The following TTC29 variants were observed in gnomAD, a reference collection of about 807,000 sequenced individuals.
TTC29 encodes tetratricopeptide repeat protein 29.
A neutral mutation model predicts 58.1 loss-of-function variants in TTC29; 49 were observed. The ratio of observed to expected loss-of-function variants is 0.84; its 90% CI spans 0.67 to 1.07. TTC29 has a LOEUF of 1.07. TTC29 is among the 50% of genes least tolerant of loss of function. The pLI, the probability that TTC29 is intolerant of heterozygous loss-of-function variation, is 0.00. For missense variants in TTC29, 582 were observed against 555.6 expected (o/e 1.05, Z -0.48); for synonymous variants, 209 against 196.8 (o/e 1.06, Z -0.52).
intron 11 of TTC29, among the ~76,000 whole-genome samples, chr4:146,773,934 T>C (rs1249089291): frequency 6.6e-6 from 1 of 152,036 alleles, no homozygotes; most frequent in Non-Finnish European, 1.5e-5. Flanking sequence ...TCTGATTTGT[T>C]TGTTCATTGA....
chr4:146,813,634 G>C (rs763930480), intron 10 of TTC29, among the ~76,000 whole-genome samples: 3 of 151,996 alleles, frequency 2.0e-5, no homozygotes, highest in Non-Finnish European at 2.9e-5. Context: ...GAAAATATTG[G>C]GTTTGCTTTT....
At chr4:146,905,860 C>A (rs190347327) in intron 5 of TTC29, among the ~76,000 whole-genome samples, 2 of 152,244 alleles carry the variant, frequency 1.3e-5, no homozygotes, top group African/African-American at 2.4e-5. Context: ...GTTAGTTCAC[C>A]GGGTATTTCT....
intron 11 of TTC29, among the ~76,000 whole-genome samples, chr4:146,789,935 G>A (rs181667598): frequency 1.3e-3 from 205 of 152,144 alleles, no homozygotes; most frequent in African/African-American, 4.7e-3. Context: ...TAATCACCAC[G>A]GCTTACAAGG....
intron 4 of TTC29, among the ~76,000 whole-genome samples, chr4:146,935,710 G>T (rs1735755603): frequency 6.6e-6 from 1 of 152,144 alleles, no homozygotes; most frequent in Non-Finnish European, 1.5e-5. Flanking sequence ...CCAGGATGGG[G>T]CCAAGTATTT....
At chr4:146,905,552 A>G (rs1289024327) in intron 5 of TTC29, among the ~76,000 whole-genome samples, 1 of 152,004 alleles carries the variant, frequency 6.6e-6, no homozygotes, top group Non-Finnish European at 1.5e-5. Context: ...AAAAGAATAT[A>G]TTCAAGTTTC....
At chr4:146,893,340 C>T (rs1429564098) in intron 6 of TTC29, among the ~76,000 whole-genome samples, 1 of 152,130 alleles carries the variant, frequency 6.6e-6, no homozygotes, top group Non-Finnish European at 1.5e-5. Flanking sequence ...GACATATAGA[C>T]CAATGGAACA....
intron 11 of TTC29, among the ~76,000 whole-genome samples, chr4:146,800,431 T>C (rs2663306): frequency 6.6e-6 from 1 of 151,944 alleles, no homozygotes; most frequent in Non-Finnish European, 1.5e-5. Flanking sequence ...TTTGATCTGT[T>C]TTTTTTCTGA....
At chr4:146,826,263 A>G (rs1361131252) in intron 9 of TTC29, among the ~76,000 whole-genome samples, 1 of 151,740 alleles carries the variant, frequency 6.6e-6, no homozygotes, top group African/African-American at 2.4e-5. Context: ...TTTCCTTTCC[A>G]TATTTAGTGC....
At chr4:146,806,367 A>G (rs1173519756) in intron 10 of TTC29, among the ~76,000 whole-genome samples, 2 of 152,238 alleles carry the variant, frequency 1.3e-5, no homozygotes, top group African/African-American at 2.4e-5. Flanking sequence ...GACAGGATCA[A>G]ATTCACACAT....
chr4:146,906,255 C>T (rs1349294563), intron 5 of TTC29, among the ~76,000 whole-genome samples: 4 of 152,058 alleles, frequency 2.6e-5, no homozygotes, highest in Non-Finnish European at 5.9e-5. Context: ...CACACCTTTG[C>T]TATAAAACAG....
intron 11 of TTC29, among the ~76,000 whole-genome samples, chr4:146,774,984 C>T (rs1272832078): frequency 6.6e-6 from 1 of 152,024 alleles, no homozygotes; most frequent in Non-Finnish European, 1.5e-5. Flanking sequence ...TTGAATGGAA[C>T]CCTTTACTAT....
chr4:146,890,824 CT>C (rs1308315140), intron 6 of TTC29, among the ~76,000 whole-genome samples: 1 of 152,028 alleles, frequency 6.6e-6, no homozygotes, highest in Admixed American at 6.6e-5. Context: ...CAGCCTGTTT[CT>C]TTTGTTTGTT....
At chr4:146,755,073 A>G (rs947066273) in intron 11 of TTC29, among the ~76,000 whole-genome samples, 3 of 152,162 alleles carry the variant, frequency 2.0e-5, no homozygotes, top group African/African-American at 7.2e-5. Context: ...ATACAATATC[A>G]TAGGATTTCT....
At chr4:146,870,955 C>T (rs1730887761) in intron 7 of TTC29, among the ~76,000 whole-genome samples, 1 of 151,868 alleles carries the variant, frequency 6.6e-6, no homozygotes, top group Admixed American at 6.6e-5. Flanking sequence ...ACTTTTTAAG[C>T]AATTAAGAGA....
chr4:146,933,182 T>C (rs1415100966), intron 4 of TTC29, among the ~76,000 whole-genome samples: 2 of 152,162 alleles, frequency 1.3e-5, no homozygotes, highest in Non-Finnish European at 2.9e-5. Flanking sequence ...TCAATAAACA[T>C]CCACTGATGA....
chr4:146,877,593 G>A (rs1731352379), intron 6 of TTC29, among the ~76,000 whole-genome samples: 1 of 152,138 alleles, frequency 6.6e-6, no homozygotes, highest in African/African-American at 2.4e-5. Context: ...TGACATATCT[G>A]TGTGTTATAT....
chr4:146,746,695 G>T (rs1391352973), intron 11 of TTC29, among the ~76,000 whole-genome samples: 1 of 152,124 alleles, frequency 6.6e-6, no homozygotes, highest in Non-Finnish European at 1.5e-5. Flanking sequence ...TTAGAGAAAT[G>T]TTGTAGGGAA....
intron 4 of TTC29, among the ~76,000 whole-genome samples, chr4:146,924,112 G>A (rs1734772180): frequency 6.6e-6 from 1 of 151,514 alleles, no homozygotes; most frequent in South Asian, 2.1e-4. Flanking sequence ...CATATATATA[G>A]CATGTGCTAT....
intron 11 of TTC29, among the ~76,000 whole-genome samples, chr4:146,797,209 T>G (rs938618085): frequency 1.3e-5 from 2 of 152,240 alleles, no homozygotes; most frequent in Non-Finnish European, 2.9e-5. Context: ...ATCAGATTTC[T>G]CCATTTAATT....
Sources: allele counts gnomAD v4.1 joint callset (sites outside exome capture counted in the v4.1 genomes callset), GRCh38; gene constraint gnomAD v4.1.1; transcripts MANE v1.5; gene names NCBI Gene and HGNC (gene_info 2026-07-23, HGNC 2026-07-21).